MYBPH: variants seen among roughly 807,000 people sequenced by gnomAD.
MYBPH encodes myosin binding protein H.
MYBPH carries 49 observed loss-of-function variants against 53.6 expected under a neutral mutation model. The observed-to-expected ratio is 0.91, with a 90% CI of 0.73 to 1.16. The LOEUF (loss-of-function observed/expected upper bound fraction) is 1.16. Ranked by LOEUF, MYBPH falls within the 50% of genes most tolerant of loss-of-function variation. MYBPH has a pLI of 0.00. For missense variants in MYBPH, 558 were observed against 624.1 expected, an observed-to-expected ratio of 0.89 and a Z score of 1.13; for synonymous variants, 239 against 249.6, an observed-to-expected ratio of 0.96 and a Z score of 0.40.
upstream of MYBPH, among the ~76,000 whole-genome samples, chr1:203,176,475 A>G (rs924018602): frequency 6.6e-6 from 1 of 152,096 alleles, no homozygotes; most frequent in African/African-American, 2.4e-5. Flanking sequence ...GTCTCCCCTG[A>G]TGCCTGCTGT....
upstream of MYBPH, chr1:203,175,832 G>A (rs1425287902): frequency 6.9e-7 from 1 of 1,446,866 alleles, no homozygotes; most frequent in Non-Finnish European, 9.6e-7. Flanking sequence ...AGGGTGCCTG[G>A]GACACCTAGG....
upstream of MYBPH, among the ~76,000 whole-genome samples, chr1:203,177,124 C>T (rs546298244): frequency 6.6e-5 from 10 of 152,290 alleles, no homozygotes; most frequent in African/African-American, 2.2e-4. Flanking sequence ...ACATTAAATC[C>T]AAATGCAGTC....
chr1:203,168,913 C>T lies in MYBPH; in HGVS notation c.1410G>A (p.Glu470=). ...LGEASVDCRL[E]VKASAAH The stretch of plus-strand genomic sequence containing the variant: ...CCGTCCTCAAACTCTCACCTTTGAC[C>T]TCCAGCCGGCAGTCCACAGATGCCT... The change falls in exon 9 of 11, where the codon GAG becomes GAA. Residue 470 remains glutamate (E), a synonymous_variant. Coordinates refer to ENST00000255416, the MANE Select transcript of MYBPH (RefSeq NM_004997.3). 6 of 1,613,998 alleles carry T rather than the reference C, an allele frequency of 3.7e-6. No individual in the cohort carries two copies. Among genetic ancestry groups the T allele is most frequent in the Non-Finnish European group, 5.1e-6 (6 of 1,180,010 alleles).
At position 203,171,873 on chromosome 1, in the gene MYBPH, C is replaced by T; in HGVS notation, c.597+79G>A. The T allele has an allele frequency of 1.0e-6, 1 of 957,892 alleles. No homozygotes were observed. Among genetic ancestry groups the T allele is most frequent in the Non-Finnish European group, 1.4e-6 (1 of 710,312 alleles). 59.3% of individuals were successfully genotyped at this position (957,892 alleles called of 1,614,324 possible). On this transcript the variant is annotated intron_variant, in intron 4 of 10. Coordinates refer to ENST00000255416, the MANE Select transcript of MYBPH (RefSeq NM_004997.3). This position sits in a 1 kb window ranked among gnomAD's most constrained non-coding sequence, Gnocchi z 4.2. The stretch of plus-strand genomic sequence containing the variant: ...GGTCTCAGCTGGACCCTTGGAGACC[C>T]TGCCATCTCCCAGGCTCCCCTTAAA...
At chr1:203,176,732 C>A (rs1655817827), upstream of MYBPH, among the ~76,000 whole-genome samples, 1 of 152,104 alleles carries the variant, frequency 6.6e-6, no homozygotes, top group African/African-American at 2.4e-5. Flanking sequence ...CAGAAAATGC[C>A]ATGTGTCAGG....
upstream of MYBPH, among the ~76,000 whole-genome samples, chr1:203,177,257 G>T (rs553506041): frequency 2.0e-5 from 3 of 152,358 alleles, no homozygotes; most frequent in East Asian, 1.9e-4. Context: ...ATCTGTGATC[G>T]TGAGGGCTGC....
At chr1:203,177,952 G>T (rs1184323796), upstream of MYBPH, among the ~76,000 whole-genome samples, 1 of 152,262 alleles carries the variant, frequency 6.6e-6, no homozygotes, top group Non-Finnish European at 1.5e-5. Context: ...AGTAGCATCT[G>T]CCCAGCTCCA....
Position 203,175,117 on chromosome 1 carries a change from G to A in MYBPH, c.340+210C>T, listed in dbSNP as rs538910118. 2.0e-5 allele frequency among the ~76,000 whole-genome samples: 3 copies of A among 151,648 alleles called. No individual in the cohort carries two copies. The East Asian group carries it at 5.9e-4, about 30-fold the overall frequency. On this transcript the variant is annotated intron_variant, in intron 2 of 10. Transcript: ENST00000255416. ...AGAAGCTCCTTGGAGCTGAGGACAAGGGAGCCCCTCAACCCACCCACCTAC... is the reference window on the plus strand; with the variant it reads ...AGAAGCTCCTTGGAGCTGAGGACAAAGGAGCCCCTCAACCCACCCACCTAC...
Position 203,170,317 on chromosome 1 carries a change from T to G in MYBPH, c.1067A>C (p.Lys356Thr), listed in dbSNP as rs765910206. Residue 356 changes from lysine (K) to threonine (T), a missense_variant, in exon 7 of 11, where the codon AAG (lysine) becomes ACG (threonine). Physicochemically the swap from Lys to Thr is moderately conservative, Grantham distance 78 (BLOSUM62 -1). Coordinates refer to ENST00000255416, the MANE Select transcript of MYBPH (RefSeq NM_004997.3). ...CGLSTSATVT[K>T]ELAHIQKADI... ...TGCCTTCTGGATGTGGGCGAGCTCC[T>G]TGGTGACGGTGGCCGAGGTGCTGAG... is the stretch of plus-strand genomic sequence containing the variant. The G allele has an allele frequency of 2.5e-6, 4 of 1,614,104 alleles. No homozygotes were observed. Among genetic ancestry groups the G allele is most frequent in the Non-Finnish European group, 3.4e-6 (4 of 1,179,998 alleles).
upstream of MYBPH, chr1:203,175,872 AC>A: frequency 9.9e-7 from 1 of 1,011,254 alleles, no homozygotes; most frequent in Non-Finnish European, 1.5e-6. Context: ...GGGCTGCCCC[AC>A]CCCCAGCAAA....
chr1:203,169,139 G>A (rs775400545), intron 8 of MYBPH, 47 bp from the exon 9 acceptor site: 25 of 1,602,022 alleles, frequency 1.6e-5, no homozygotes, highest in East Asian at 4.5e-5. Flanking sequence ...GGACTGGGGC[G>A]GGGCTCTCAA....
At position 203,168,921 on chromosome 1, in the gene MYBPH, G is replaced by A. The variant is rs201112460; in HGVS notation, c.1402C>T (p.Arg468Trp). ...NVLGEASVDC[R>W]LEVKASAAH ...AAACTCTCACCTTTGACCTCCAGCC[G>A]GCAGTCCACAGATGCCTCCCCCAGC... Residue 468 changes from arginine (R) to tryptophan (W), a missense_variant, in exon 9 of 11, where the codon CGG (arginine) becomes TGG (tryptophan). Arg to Trp is a moderately radical substitution (Grantham distance 101). Transcript: ENST00000255416. The A allele has an allele frequency of 4.0e-5, 64 of 1,613,848 alleles. No homozygotes were observed. Among genetic ancestry groups the A allele is most frequent in the Non-Finnish European group, 4.9e-5 (58 of 1,180,028 alleles).
chr1:203,173,760 C>T (rs1401181864), intron 3 of MYBPH, among the ~76,000 whole-genome samples: 1 of 152,236 alleles, frequency 6.6e-6, no homozygotes, highest in Non-Finnish European at 1.5e-5. Flanking sequence ...ACTGTGCTGT[C>T]CCCAGAGACC....
Position 203,174,517 on chromosome 1 carries a change from A to G in MYBPH, c.421T>C (p.Phe141Leu). The part of the protein sequence containing the change: ...TVRNLALGDK[F>L]LLRVSAVSSA... ...CTCACTGCAGACACGCGCAGGAGGA[A>G]CTTGTCTCCCAGAGCCAGGTTCCGC... The change falls in exon 3 of 11, where the codon TTC (phenylalanine) becomes CTC (leucine). Residue 141 changes from phenylalanine to leucine, a missense_variant. Transcript: ENST00000255416. 6.2e-7 allele frequency: 1 copy of G among 1,613,522 alleles called. No individual in the cohort carries two copies. Among genetic ancestry groups the G allele is most frequent in the Non-Finnish European group, 8.5e-7 (1 of 1,179,518 alleles).
chr1:203,173,228 G>A (rs1655734490), intron 3 of MYBPH, among the ~76,000 whole-genome samples: 1 of 152,210 alleles, frequency 6.6e-6, no homozygotes, highest in Non-Finnish European at 1.5e-5. Context: ...GAGCTCCCTG[G>A]TTCCCTGGGG....
chr1:203,169,476 G>C, intron 7 of MYBPH, 87 bp from the exon 8 acceptor site: 1 of 1,515,676 alleles, frequency 6.6e-7, no homozygotes, highest in Non-Finnish European at 9.0e-7. Flanking sequence ...AAGATCTATG[G>C]ATAGCAAGTC....
chr1:203,170,198 C>T (rs1371028729), intron 7 of MYBPH, 93 bp downstream of exon 7: 4 of 1,507,244 alleles, frequency 2.7e-6, no homozygotes, highest in Non-Finnish European at 2.7e-6. Context: ...GGCAGACGCC[C>T]AGGAGAAACC....
chr1:203,176,079 T>C (rs1655803738), upstream of MYBPH, among the ~76,000 whole-genome samples: 1 of 152,102 alleles, frequency 6.6e-6, no homozygotes, highest in South Asian at 2.1e-4. Context: ...AGATGGGACA[T>C]CGAGCAGGCC....
chr1:203,171,511 A>G lies in MYBPH; in HGVS notation c.665T>C (p.Met222Thr). The G allele has an allele frequency of 6.2e-7, 1 of 1,613,802 alleles. No homozygotes were observed. Among genetic ancestry groups the G allele is most frequent in the Non-Finnish European group, 8.5e-7 (1 of 1,179,982 alleles). Residue 222 changes from methionine (M) to threonine (T), a missense_variant, in exon 5 of 11, where the codon ATG becomes ACG. By Grantham distance (81) the Met-to-Thr change is moderately conservative (BLOSUM62 -1). Transcript: ENST00000255416. The surrounding 1 kb of genome is among the most constrained non-coding windows in gnomAD (Gnocchi z 4.2). ...GHALDSQRVS[M>T]RTGDQDSILF... ...GATGGAGTCCTGGTCCCCGGTGCGC[A>G]TGCTCACCCGCTGGCTGTCCAGGGC...
Sources: gnomAD v4.1 joint callset for allele counts (sites outside exome capture counted in the v4.1 genomes callset) on GRCh38, gnomAD v4.1.1 for gene constraint, Gnocchi (gnomAD v3.1) non-coding constraint, MANE v1.5 for transcripts, NCBI Gene and HGNC (gene_info 2026-07-23, HGNC 2026-07-21) for gene names.